HECW1: variants seen among roughly 807,000 people sequenced by gnomAD.
HECW1 encodes E3 ubiquitin-protein ligase HECW1.
Under a neutral mutation model 182.3 loss-of-function variants are expected in HECW1, and 61 were observed. That is an observed-to-expected ratio of 0.33 (90% CI 0.27 to 0.41). HECW1 has a LOEUF of 0.41. Among genes scored for constraint, HECW1 ranks in the 10% least tolerant of loss-of-function variants. The probability of loss-of-function intolerance (pLI) is 1.00; values close to 1 mark genes in which losing one functional copy is unlikely to be tolerated. For synonymous variants in HECW1, 859 were observed against 832.6 expected (o/e 1.03, Z -0.55); for missense variants, 1,739 against 2,108.9 (o/e 0.82, Z 3.44).
chr7:43,459,403 A>G (rs1213659296), intron 13 of HECW1, among the ~76,000 whole-genome samples: 5 of 152,220 alleles, frequency 3.3e-5, no homozygotes, highest in Non-Finnish European at 7.3e-5. Context: ...AAAAGCAGAA[A>G]ATATAAATAT....
intron 8 of HECW1, among the ~76,000 whole-genome samples, chr7:43,428,989 C>T (rs1299922287): frequency 6.6e-6 from 1 of 150,848 alleles, no homozygotes; most frequent in African/African-American, 2.4e-5. Context: ...CAAATACGTA[C>T]AGATATATAA....
At chr7:43,202,577 G>A (rs140293389) in intron 2 of HECW1, among the ~76,000 whole-genome samples, 66 of 151,550 alleles carry the variant, frequency 4.4e-4, no homozygotes, top group African/African-American at 1.3e-3. Flanking sequence ...GGGTTCAAGC[G>A]ATTATCGTGC....
chr7:43,367,664 TAG>T (rs577981930), intron 6 of HECW1, among the ~76,000 whole-genome samples: 185 of 152,312 alleles, frequency 1.2e-3, no homozygotes, highest in African/African-American at 4.3e-3. Flanking sequence ...AGACATTTAC[TAG>T]AGAGTTTTAG....
At chr7:43,188,749 C>G (rs532868553) in intron 2 of HECW1, among the ~76,000 whole-genome samples, 29 of 152,256 alleles carry the variant, frequency 1.9e-4, no homozygotes, top group African/African-American at 7.0e-4. Context: ...ACTCCTGCCC[C>G]CGTGCCATAT....
chr7:43,208,750 G>A (rs947770277), intron 2 of HECW1, among the ~76,000 whole-genome samples: 4 of 152,162 alleles, frequency 2.6e-5, no homozygotes, highest in Non-Finnish European at 4.4e-5. Flanking sequence ...TGGAGCCACC[G>A]TTTCCCAGGG....
intron 24 of HECW1, among the ~76,000 whole-genome samples, chr7:43,526,633 G>C (rs1475774944): frequency 2.0e-5 from 3 of 152,204 alleles, no homozygotes; most frequent in African/African-American, 7.2e-5. Context: ...TGCCATTCCT[G>C]TATTCTCTGG....
chr7:43,238,225 G>A (rs1016872192), intron 2 of HECW1, among the ~76,000 whole-genome samples: 4 of 152,164 alleles, frequency 2.6e-5, no homozygotes, highest in Non-Finnish European at 4.4e-5. Flanking sequence ...GCAATAAAGC[G>A]CTGCATTGGG....
chr7:43,491,234 CT>C (rs1196146719), intron 17 of HECW1, among the ~76,000 whole-genome samples: 5 of 152,224 alleles, frequency 3.3e-5, no homozygotes, highest in African/African-American at 1.2e-4. Context: ...GGTTATCCCC[CT>C]GTCTTACGGT....
At chr7:43,328,754 A>C (rs1811106294) in intron 5 of HECW1, among the ~76,000 whole-genome samples, 1 of 152,192 alleles carries the variant, frequency 6.6e-6, no homozygotes. Flanking sequence ...GCAATACAAA[A>C]CGATGGTGCC....
chr7:43,391,709 C>T (rs1177874353), intron 6 of HECW1, among the ~76,000 whole-genome samples: 3 of 152,168 alleles, frequency 2.0e-5, no homozygotes, highest in Admixed American at 6.5e-5. Context: ...AATGTGCTGC[C>T]TCCAACAGCA....
intron 16 of HECW1, among the ~76,000 whole-genome samples, chr7:43,473,291 C>G (rs558099217): frequency 1.3e-5 from 2 of 152,232 alleles, no homozygotes; most frequent in South Asian, 4.2e-4. Context: ...GATCATGAGC[C>G]AAATAAACCT....
intron 6 of HECW1, among the ~76,000 whole-genome samples, chr7:43,389,863 C>A (rs879712830): frequency 1.3e-5 from 2 of 152,000 alleles, no homozygotes; most frequent in Admixed American, 1.3e-4. Context: ...GAACTCCTGG[C>A]CTCAAGTGAT....
At chr7:43,214,759 C>T (rs1490653028) in intron 2 of HECW1, among the ~76,000 whole-genome samples, 1 of 152,242 alleles carries the variant, frequency 6.6e-6, no homozygotes, top group East Asian at 1.9e-4. Context: ...TGGGCACGGG[C>T]ACTAGCCCAG....
chr7:43,117,339 C>CT (rs1333993531), intron 2 of HECW1, among the ~76,000 whole-genome samples: 1 of 152,090 alleles, frequency 6.6e-6, no homozygotes, highest in Non-Finnish European at 1.5e-5. Flanking sequence ...TCATTTTGCT[C>CT]TTTTTTTCCA....
At chr7:43,310,243 G>T (rs1808330243) in intron 3 of HECW1, among the ~76,000 whole-genome samples, 1 of 152,154 alleles carries the variant, frequency 6.6e-6, no homozygotes, top group South Asian at 2.1e-4. Context: ...AGTTTACTGA[G>T]ATCCTCCCTG....
intron 2 of HECW1, among the ~76,000 whole-genome samples, chr7:43,145,563 G>A (rs1311174107): frequency 6.6e-6 from 1 of 152,216 alleles, no homozygotes; most frequent in Admixed American, 6.5e-5. Context: ...CTCCCAAAGT[G>A]CTGGGATTAC....
At chr7:43,542,814 A>G (rs2081410997) in intron 26 of HECW1, among the ~76,000 whole-genome samples, 1 of 152,244 alleles carries the variant, frequency 6.6e-6, no homozygotes, top group Admixed American at 6.5e-5. Flanking sequence ...TACTTCCTTT[A>G]ATAAATCTGC....
At chr7:43,486,234 A>G (rs188803623) in intron 17 of HECW1, among the ~76,000 whole-genome samples, 2 of 151,860 alleles carry the variant, frequency 1.3e-5, no homozygotes, top group South Asian at 2.1e-4. Flanking sequence ...TCCATGGTGT[A>G]TATGTGCCAC....
At chr7:43,226,552 C>T (rs990191535) in intron 2 of HECW1, among the ~76,000 whole-genome samples, 4 of 152,176 alleles carry the variant, frequency 2.6e-5, no homozygotes, top group Admixed American at 6.5e-5. Context: ...ACTGACAGGT[C>T]GAAAACGACA....
Sources: gnomAD v4.1 joint callset for allele counts (sites outside exome capture counted in the v4.1 genomes callset) on GRCh38, gnomAD v4.1.1 for gene constraint, MANE v1.5 for transcripts, NCBI Gene and HGNC (gene_info 2026-07-23, HGNC 2026-07-21) for gene names.